The following DNAH17 variants were observed in gnomAD, a reference collection of about 807,000 sequenced individuals.
DNAH17 encodes dynein axonemal heavy chain 17, also known as axonemal beta dynein heavy chain 17.
A neutral mutation model predicts 485.6 loss-of-function variants in DNAH17; 376 were observed. The observed-to-expected ratio is 0.77, with a 90% CI of 0.71 to 0.84. DNAH17 has a LOEUF of 0.84. DNAH17 is among the 40% of genes least tolerant of loss of function. The pLI, the probability that DNAH17 is intolerant of heterozygous loss-of-function variation, is 0.00. For synonymous variants in DNAH17, 3,031 were observed against 2,405.9 expected (o/e 1.26, Z -7.60); for missense variants, 6,370 against 5,839.3 (o/e 1.09, Z -2.96).
chr17:78,494,908 C>T lies in DNAH17; in HGVS notation c.6042+51G>A, dbSNP rs564720765. On this transcript the variant is annotated intron_variant, in intron 39 of 80. Coordinates refer to ENST00000389840, the MANE Select transcript of DNAH17 (RefSeq NM_173628.4). ...CTGGAAGCCAACCCTGGCTGCTGCC[C>T]GCATCTCAAACTCCCACCCACACCC... 1.4e-5 allele frequency: 22 copies of T among 1,585,966 alleles called. No individual in the cohort carries two copies. The African/African-American group carries it at 1.5e-4, about 11-fold the overall frequency.
chr17:78,482,525 A>G lies in DNAH17; in HGVS notation c.7650-1739T>C, dbSNP rs541510518. Among the ~76,000 whole-genome samples, 277 of 152,312 alleles carry G rather than the reference A, an allele frequency of 1.8e-3. 1 individual carries two copies. Among genetic ancestry groups the G allele is most frequent in the African/African-American group, 6.5e-3 (272 of 41,556 alleles). ...GCAAAATTCCTTAACTTTCATTTAAATCACAGCCATCAATTTTTTGCCCTT... is the reference window on the plus strand; with the variant it reads ...GCAAAATTCCTTAACTTTCATTTAAGTCACAGCCATCAATTTTTTGCCCTT... On this transcript the variant is annotated intron_variant, in intron 48 of 80. Transcript: ENST00000389840.
rs1455121612 is a variant in DNAH17 at position 78,501,623 on chromosome 17, G to T, written c.5322+119C>A. The T allele has an allele frequency of 2.8e-6, 4 of 1,414,438 alleles. No homozygotes were observed. The African/African-American group carries it at 4.3e-5, about 15-fold the overall frequency. 87.6% of individuals were successfully genotyped at this position (1,414,438 alleles called of 1,614,324 possible). Reference sequence around the variant, plus strand: ...GGAGGTTAGGAGGCAGCTGCAGCCAGCAACAGAGTCAGTGCCCCAGGAAGA... The same window carrying T: ...GGAGGTTAGGAGGCAGCTGCAGCCATCAACAGAGTCAGTGCCCCAGGAAGA... On this transcript the variant is annotated intron_variant, in intron 34 of 80. Coordinates refer to ENST00000389840, the MANE Select transcript of DNAH17 (RefSeq NM_173628.4).
At chr17:78,501,540 G>T (rs1463554683) in intron 34 of DNAH17, 196 bp from the exon 35 acceptor site, 4 of 967,156 alleles carry the variant, frequency 4.1e-6, no homozygotes, top group Non-Finnish European at 1.5e-6. Context: ...CACTTCCAAT[G>T]GGCGGGCACC....
At chr17:78,465,262 C>T (rs1044727293) in intron 56 of DNAH17, among the ~76,000 whole-genome samples, 3 of 151,912 alleles carry the variant, frequency 2.0e-5, no homozygotes, top group Non-Finnish European at 4.4e-5. Context: ...AGTGCAGTGG[C>T]GTGATCTCGG....
rs150499698 is a variant in DNAH17, at chr17:78,561,267, C to T, written c.1836-332G>A. On this transcript the variant is annotated intron_variant, in intron 12 of 80. Coordinates refer to ENST00000389840, the MANE Select transcript of DNAH17 (RefSeq NM_173628.4). The stretch of plus-strand genomic sequence containing the variant: ...GGGGCCAACTAGATGAAAGCAAATA[C>T]GCCCCCCAAACAACCACATAAAAGG... 5.4e-3 allele frequency among the ~76,000 whole-genome samples: 822 copies of T among 152,002 alleles called. 6 individuals are homozygous for T. The highest frequency in any genetic ancestry group is 7.1e-3 in the Non-Finnish European group (481 of 67,964).
At chr17:78,452,112 C>T (rs1425057811) in intron 65 of DNAH17, among the ~76,000 whole-genome samples, 2 of 151,904 alleles carry the variant, frequency 1.3e-5, no homozygotes, top group Admixed American at 1.3e-4. Context: ...TGTAGCTGGG[C>T]TCACTTTGAG....
At chr17:78,489,313 C>G (rs1171998942) in intron 44 of DNAH17, 2 of 152,360 alleles carry the variant, frequency 1.3e-5, no homozygotes, top group African/African-American at 4.8e-5. Flanking sequence ...TGCCTGCATC[C>G]CATGGCCAAA....
intron 44 of DNAH17, among the ~76,000 whole-genome samples, chr17:78,487,489 C>T (rs1161365979): frequency 6.6e-6 from 1 of 152,202 alleles, no homozygotes; most frequent in African/African-American, 2.4e-5. Flanking sequence ...CACACACAGC[C>T]AGCCTGCCCT....
chr17:78,555,223 A>G (rs2091993622), intron 14 of DNAH17, among the ~76,000 whole-genome samples: 1 of 152,184 alleles, frequency 6.6e-6, no homozygotes, highest in Non-Finnish European at 1.5e-5. Flanking sequence ...GATGTGTAGC[A>G]GGATTCCGTC....
chr17:78,564,269 CT>C (rs1332943398), intron 11 of DNAH17, among the ~76,000 whole-genome samples: 3 of 152,198 alleles, frequency 2.0e-5, no homozygotes, highest in South Asian at 2.1e-4. Context: ...TGCTCTTCCC[CT>C]TGTGCCAAAC....
Position 78,462,884 on chromosome 17 carries a change from A to C in DNAH17, c.9134T>G (p.Leu3045Arg). Reference sequence around the variant, plus strand: ...CTGCAGCTTCATCAGGCCGTTCTCCAGCCTCTCGATTTTGGCAACAAGTTC... The same window carrying C: ...CTGCAGCTTCATCAGGCCGTTCTCCCGCCTCTCGATTTTGGCAACAAGTTC... ...RTELVAKIERLENGLMKLQST... is the reference protein window; with the variant it reads ...RTELVAKIERRENGLMKLQST... The change falls in exon 57 of 81, where the codon CTG becomes CGG. Residue 3045 changes from leucine to arginine, a missense_variant. Transcript: ENST00000389840. 1.9e-6 allele frequency: 3 copies of C among 1,613,976 alleles called. No individual in the cohort carries two copies. Among genetic ancestry groups the C allele is most frequent in the Non-Finnish European group, 2.5e-6 (3 of 1,179,882 alleles).
intron 25 of DNAH17, among the ~76,000 whole-genome samples, chr17:78,518,624 C>G (rs138689824): frequency 3.9e-5 from 6 of 152,288 alleles, no homozygotes; most frequent in African/African-American, 1.4e-4. Flanking sequence ...TATAAAAGGA[C>G]AGAACAACAC....
intron 27 of DNAH17, 97 bp downstream of exon 27, chr17:78,510,287 T>A: frequency 6.5e-7 from 1 of 1,548,854 alleles, no homozygotes; most frequent in Non-Finnish European, 8.8e-7. Flanking sequence ...GTGAGAGCCT[T>A]GGGGCTGCAG....
chr17:78,562,837 G>A (rs980987973), intron 11 of DNAH17, among the ~76,000 whole-genome samples: 1 of 152,210 alleles, frequency 6.6e-6, no homozygotes, highest in Admixed American at 6.5e-5. Flanking sequence ...GAAAGCTCTG[G>A]GGGTCAGACC....
At chr17:78,485,425 G>C in intron 47 of DNAH17, 125 bp downstream of exon 47, 1 of 921,742 alleles carries the variant, frequency 1.1e-6, no homozygotes, top group Non-Finnish European at 1.6e-6. Flanking sequence ...AGCGGGTGGG[G>C]CATGGGAAGT....
At chr17:78,451,374 G>A in intron 66 of DNAH17, 95 bp downstream of exon 66, 1 of 1,185,056 alleles carries the variant, frequency 8.4e-7, no homozygotes, top group Non-Finnish European at 1.2e-6. Context: ...GACACACACT[G>A]GACTGGCAGC....
At chr17:78,468,056 G>C (rs1488519942) in intron 55 of DNAH17, among the ~76,000 whole-genome samples, 3 of 124,656 alleles carry the variant, frequency 2.4e-5, no homozygotes, top group Non-Finnish European at 5.1e-5. Context: ...GAGTATCAAG[G>C]TGCATTTATC....
At position 78,515,019 on chromosome 17, in the gene DNAH17, T is replaced by A. The variant is rs1476340251; in HGVS notation, c.3868A>T (p.Asn1290Tyr). Residue 1290 changes from asparagine (N) to tyrosine (Y), a missense_variant, in exon 26 of 81, where the codon AAT (asparagine) becomes TAT (tyrosine). Coordinates refer to ENST00000389840, the MANE Select transcript of DNAH17 (RefSeq NM_173628.4). ...KELWDMVVVV[N>Y]TSIEDWKTTK... ...GTCTTCCAGTCCTCGATGCTGGTAT[T>A]TACCTGAAACGAAAACATCCCGTTT... 1 of 1,613,058 alleles carries A rather than the reference T, an allele frequency of 6.2e-7. No homozygotes were observed. The highest frequency in any genetic ancestry group is 2.2e-5 in the East Asian group (1 of 44,880).
chr17:78,451,404 A>G (rs1254958795), intron 66 of DNAH17, 65 bp downstream of exon 66: 5 of 1,479,612 alleles, frequency 3.4e-6, no homozygotes, highest in Non-Finnish European at 4.6e-6. Context: ...GGACCCTCAC[A>G]GTGACCTGGC....
Sources: gnomAD v4.1 joint callset for allele counts (sites outside exome capture counted in the v4.1 genomes callset) on GRCh38, gnomAD v4.1.1 for gene constraint, MANE v1.5 for transcripts, NCBI Gene and HGNC (gene_info 2026-07-23, HGNC 2026-07-21) for gene names.